Variants in SOX5 observed in about 807,000 individuals in gnomAD.
SOX5 encodes the protein transcription factor SOX-5.
Under a neutral mutation model 92.0 loss-of-function variants are expected in SOX5, and 9 were observed. The ratio of observed to expected loss-of-function variants is 0.10; its 90% CI spans 0.06 to 0.17. The LOEUF (loss-of-function observed/expected upper bound fraction) is 0.17. Among genes scored for constraint, SOX5 ranks in the 10% least tolerant of loss-of-function variants. SOX5 has a pLI of 1.00. For missense variants in SOX5, 642 were observed against 944.5 expected (o/e 0.68, Z 4.20); for synonymous variants, 344 against 336.3 (o/e 1.02, Z -0.25).
At chr12:24,404,906 A>G (rs1428579524) in intron 1 of SOX5, among the ~76,000 whole-genome samples, 2 of 152,178 alleles carry the variant, frequency 1.3e-5, no homozygotes, top group Non-Finnish European at 2.9e-5. Context: ...TTAATCCAGT[A>G]TAACTGGTGT....
chr12:23,740,157 GTC>G (rs2093744607), intron 5 of SOX5, among the ~76,000 whole-genome samples: 1 of 152,178 alleles, frequency 6.6e-6, no homozygotes, highest in African/African-American at 2.4e-5. Flanking sequence ...GTTTCCAGCT[GTC>G]TCTCACATAC....
At chr12:24,023,902 C>A (rs1167542526) in intron 4 of SOX5, among the ~76,000 whole-genome samples, 1 of 151,974 alleles carries the variant, frequency 6.6e-6, no homozygotes, top group Non-Finnish European at 1.5e-5. Context: ...TTCATTATCT[C>A]TTTGACAAGT....
intron 3 of SOX5, among the ~76,000 whole-genome samples, chr12:23,764,507 T>C (rs1013240965): frequency 6.6e-6 from 1 of 152,032 alleles, no homozygotes; most frequent in African/African-American, 2.4e-5. Flanking sequence ...TTAGTAAAGA[T>C]GAGAGTGCGT....
At chr12:23,779,499 G>GT (rs1335219309) in intron 3 of SOX5, among the ~76,000 whole-genome samples, 2 of 151,248 alleles carry the variant, frequency 1.3e-5, no homozygotes, top group Non-Finnish European at 2.9e-5. Flanking sequence ...ATCATGGTTA[G>GT]TTTTTTACCA....
intron 13 of SOX5, among the ~76,000 whole-genome samples, chr12:23,541,639 AG>A (rs1942065047): frequency 6.6e-6 from 1 of 152,220 alleles, no homozygotes; most frequent in Non-Finnish European, 1.5e-5. Context: ...TTTTACACAC[AG>A]ATTTTCATAT....
chr12:24,132,881 A>C (rs1320083478), intron 4 of SOX5, among the ~76,000 whole-genome samples: 2 of 152,192 alleles, frequency 1.3e-5, no homozygotes, highest in Admixed American at 6.5e-5. Flanking sequence ...ACATACATCT[A>C]ATTACCTCAT....
intron 3 of SOX5, among the ~76,000 whole-genome samples, chr12:23,760,221 T>C (rs1403961743): frequency 6.6e-6 from 1 of 152,108 alleles, no homozygotes; most frequent in Non-Finnish European, 1.5e-5. Context: ...GTGGCATATA[T>C]AATTGTTATA....
intron 11 of SOX5, among the ~76,000 whole-genome samples, chr12:23,550,833 G>C (rs1445240618): frequency 6.6e-6 from 1 of 151,792 alleles, no homozygotes; most frequent in African/African-American, 2.4e-5. Context: ...GTTCTAATAG[G>C]CATCCTATGT....
At chr12:24,149,917 C>CA (rs1362033601) in intron 4 of SOX5, among the ~76,000 whole-genome samples, 3 of 151,412 alleles carry the variant, frequency 2.0e-5, no homozygotes, top group Non-Finnish European at 3.0e-5. Context: ...GCCTCCGTCA[C>CA]AAAAAAGAAC....
intron 2 of SOX5, among the ~76,000 whole-genome samples, chr12:24,349,841 C>T (rs1031015065): frequency 7.2e-5 from 11 of 152,134 alleles, no homozygotes; most frequent in Non-Finnish European, 1.6e-4. Context: ...ATATGTTTAA[C>T]TCTTTGAGGG....
chr12:24,221,466 ATTC>A (rs1343631911), intron 3 of SOX5, among the ~76,000 whole-genome samples: 4 of 152,242 alleles, frequency 2.6e-5, no homozygotes, highest in Admixed American at 6.5e-5. Flanking sequence ...ACATGTGTAA[ATTC>A]TTCTTTTTAC....
At chr12:24,523,931 C>A (rs1274148668) in intron 1 of SOX5, among the ~76,000 whole-genome samples, 3 of 152,132 alleles carry the variant, frequency 2.0e-5, no homozygotes, top group Non-Finnish European at 4.4e-5. Context: ...CATAAGAAGA[C>A]AATCAAAGAG....
intron 4 of SOX5, among the ~76,000 whole-genome samples, chr12:24,100,292 C>T (rs547463939): frequency 3.3e-5 from 5 of 152,254 alleles, no homozygotes; most frequent in Admixed American, 1.3e-4. Context: ...TCTCCACTTC[C>T]AAACCACCCA....
chr12:24,476,057 CA>C (rs1255021397), intron 1 of SOX5, among the ~76,000 whole-genome samples: 1 of 151,728 alleles, frequency 6.6e-6, no homozygotes, highest in Non-Finnish European at 1.5e-5. Context: ...GAGGGAAAGC[CA>C]GTGCTATAGC....
chr12:24,227,509 T>C (rs1215356570), intron 3 of SOX5: 1 of 152,220 alleles, frequency 6.6e-6, no homozygotes, highest in East Asian at 1.9e-4. Context: ...AATAGGTTAA[T>C]GCTTCTGCAC....
chr12:23,554,861 G>A (rs974685692), intron 11 of SOX5, among the ~76,000 whole-genome samples: 2 of 152,110 alleles, frequency 1.3e-5, no homozygotes, highest in African/African-American at 2.4e-5. Flanking sequence ...TAAATATAGA[G>A]AGTAACTGCA....
At chr12:23,838,105 TATATATTTATATTTATACAAC>T (rs1568214017) in intron 3 of SOX5, among the ~76,000 whole-genome samples, 1 of 139,768 alleles carries the variant, frequency 7.2e-6, no homozygotes, top group African/African-American at 2.6e-5. Context: ...ACTTATATAC[TATATATTTATATTTATACAAC>T]ATATATTTAT....
intron 3 of SOX5, chr12:24,227,190 C>G (rs75586424): frequency 0.026 from 4,026 of 152,320 alleles, 83 homozygotes; most frequent in South Asian, 0.09. Flanking sequence ...GAGGAAACAG[C>G]AGACGTCAGA....
chr12:24,353,094 G>C (rs992500487), intron 2 of SOX5, among the ~76,000 whole-genome samples: 1 of 152,162 alleles, frequency 6.6e-6, no homozygotes, highest in Non-Finnish European at 1.5e-5. Context: ...TGGAGAATAT[G>C]ATATACTTAA....
Sources: gnomAD v4.1 joint callset for allele counts (sites outside exome capture counted in the v4.1 genomes callset) on GRCh38, gnomAD v4.1.1 for gene constraint, MANE v1.5 for transcripts, NCBI Gene and HGNC (gene_info 2026-07-23, HGNC 2026-07-21) for gene names.